The following SECISBP2L variants were observed in gnomAD, a reference collection of about 807,000 sequenced individuals.
The protein encoded by SECISBP2L is SECIS binding protein 2 like.
SECISBP2L carries 43 observed loss-of-function variants against 114.7 expected under a neutral mutation model. That is an observed-to-expected ratio of 0.38 (90% confidence interval 0.29 to 0.48). The LOEUF (loss-of-function observed/expected upper bound fraction) is 0.48. Among genes scored for constraint, SECISBP2L ranks in the 20% least tolerant of loss-of-function variants. The pLI is 0.98. For synonymous variants in SECISBP2L, 451 were observed against 439.7 expected (o/e 1.03, Z -0.32); for missense variants, 1,136 against 1,301.1 (o/e 0.87, Z 1.95).
Position 49,009,580 on chromosome 15 carries a change from A to T in SECISBP2L, c.1865-202T>A, listed in dbSNP as rs1443047796. Among the ~76,000 whole-genome samples the T allele has an allele frequency of 2.0e-5, 3 of 152,296 alleles. No individual in the cohort carries two copies. In the East Asian group the frequency reaches 5.8e-4, roughly 29 times the overall value. ...AATTAAATTCTCCTATTGTCTGTTG[A>T]AGTATATTCTTAGCCAGGTGAGGTG... On this transcript the variant is annotated intron_variant, in intron 13 of 17. Coordinates refer to ENST00000559471, the MANE Select transcript of SECISBP2L (RefSeq NM_001193489.2).
chr15:49,000,746 T>G (rs1595782437), intron 15 of SECISBP2L, 131 bp downstream of exon 15: 1 of 693,448 alleles, frequency 1.4e-6, no homozygotes, highest in Non-Finnish European at 2.3e-6. Context: ...AAGACTGCAT[T>G]TTCTTTTCTC....
intron 4 of SECISBP2L, among the ~76,000 whole-genome samples, chr15:49,032,295 C>T (rs1315508519): frequency 6.6e-6 from 1 of 152,116 alleles, no homozygotes; most frequent in South Asian, 2.1e-4. Flanking sequence ...AGGAGATAAA[C>T]ATCTACTCTA....
At chr15:49,012,908 C>T (rs1376822235) in intron 11 of SECISBP2L, 91 bp from the exon 12 acceptor site, 2 of 1,309,792 alleles carry the variant, frequency 1.5e-6, no homozygotes, top group African/African-American at 3.0e-5. Context: ...AGAACATCCT[C>T]CTCCCATGGA....
chr15:49,019,828 G>C (rs568559686), intron 7 of SECISBP2L, among the ~76,000 whole-genome samples: 4 of 152,286 alleles, frequency 2.6e-5, no homozygotes, highest in African/African-American at 7.2e-5. Context: ...AAACAAACCA[G>C]ATGTTCTACA....
rs1901975815 is a variant in SECISBP2L at position 48,991,435 on chromosome 15, C to T, written c.*809G>A. 1 of 152,636 alleles carries T rather than the reference C, an allele frequency of 6.6e-6. No homozygotes were observed. Among genetic ancestry groups the T allele is most frequent in the Admixed American group, 6.5e-5 (1 of 15,286 alleles). 9.5% of individuals were successfully genotyped at this position (152,636 alleles called of 1,614,324 possible). ...TTTACATGTAAGTGCAGCAGTCATACAATCGGTTACAGTTATTCACCTGTC... is the reference window on the plus strand; with the variant it reads ...TTTACATGTAAGTGCAGCAGTCATATAATCGGTTACAGTTATTCACCTGTC... On this transcript the variant is annotated 3_prime_UTR_variant, in exon 18 of 18. Coordinates refer to ENST00000559471, the MANE Select transcript of SECISBP2L (RefSeq NM_001193489.2).
At position 48,988,664 on chromosome 15, in the gene SECISBP2L, T is replaced by C. The variant is rs898774639; in HGVS notation, c.*3580A>G. 8 of 455,740 alleles carry C rather than the reference T, an allele frequency of 1.8e-5. No homozygotes were observed. The highest frequency in any genetic ancestry group is 1.4e-4 in the Admixed American group (6 of 42,460). The allele number at this position is 455,740 out of a possible 1,614,324, so 28.2% of individuals were successfully genotyped here. A position where few individuals can be genotyped will look rare whatever the true frequency, so the allele number is the denominator to read the frequency against. On this transcript the variant is annotated 3_prime_UTR_variant, in exon 18 of 18. Coordinates refer to ENST00000559471, the MANE Select transcript of SECISBP2L (RefSeq NM_001193489.2). ...TTCATTTCAATAATCATTTTATTAG[T>C]ACAGAAGAATCCCCACTAGTATTTA...
At chr15:49,019,616 T>C (rs1041535742) in intron 7 of SECISBP2L, 64 bp from the exon 8 acceptor site, 1 of 1,267,230 alleles carries the variant, frequency 7.9e-7, no homozygotes, top group Admixed American at 3.9e-5. Context: ...CACTCAAATA[T>C]ATAACATACT....
intron 9 of SECISBP2L, among the ~76,000 whole-genome samples, chr15:49,017,297 G>A (rs1307983601): frequency 6.6e-6 from 1 of 152,164 alleles, no homozygotes; most frequent in Non-Finnish European, 1.5e-5. Context: ...GAAAATTTCA[G>A]TACAGACTGT....
At chr15:48,998,717 T>C (rs1470556693) in intron 16 of SECISBP2L, among the ~76,000 whole-genome samples, 4 of 152,112 alleles carry the variant, frequency 2.6e-5, no homozygotes, top group Non-Finnish European at 5.9e-5. Flanking sequence ...CTACCATTCA[T>C]TGTGAATAGA....
chr15:49,023,112 A>G (rs751931820), intron 7 of SECISBP2L, among the ~76,000 whole-genome samples: 11 of 152,162 alleles, frequency 7.2e-5, no homozygotes, highest in Non-Finnish European at 7.3e-5. Flanking sequence ...GGCAATAATC[A>G]TGATAATAAT....
At chr15:49,024,663 A>G (rs958404672) in intron 7 of SECISBP2L, among the ~76,000 whole-genome samples, 1 of 152,170 alleles carries the variant, frequency 6.6e-6, no homozygotes, top group African/African-American at 2.4e-5. Flanking sequence ...TATAAAAAGT[A>G]GCAGAACATA....
At chr15:49,010,563 T>G (rs1902417781) in intron 13 of SECISBP2L, among the ~76,000 whole-genome samples, 1 of 152,076 alleles carries the variant, frequency 6.6e-6, no homozygotes, top group South Asian at 2.1e-4. Flanking sequence ...CGGGCTGGAG[T>G]GCAGTGGCAT....
Position 49,001,042 on chromosome 15 carries a change from G to C in SECISBP2L, c.2083C>G (p.Gln695Glu). The C allele has an allele frequency of 6.2e-7, 1 of 1,613,592 alleles. No homozygotes were observed. The highest frequency in any genetic ancestry group is 8.5e-7 in the Non-Finnish European group (1 of 1,179,828). The change falls in exon 15 of 18, where the codon CAA (glutamine) becomes GAA (glutamate). Residue 695 changes from glutamine (Q) to glutamate (E), a missense_variant. Gln to Glu is a conservative substitution (Grantham distance 29). Transcript: ENST00000559471. Reference sequence around the variant, plus strand: ...CGTTCCTGGAAACTGACAAGCTCTTGGAGAAGAAGAGTCACACATTCATCA... The same window carrying C: ...CGTTCCTGGAAACTGACAAGCTCTTCGAGAAGAAGAGTCACACATTCATCA... ...EIDECVTLLL[Q>E]ELVSFQERIY...
chr15:49,035,345 C>A lies in SECISBP2L; in HGVS notation c.517G>T (p.Val173Leu). Residue 173 changes from valine to leucine, a missense_variant, in exon 3 of 18, where the codon GTG becomes TTG. By Grantham distance (32) the Val-to-Leu change is conservative. Coordinates refer to ENST00000559471, the MANE Select transcript of SECISBP2L (RefSeq NM_001193489.2). The stretch of plus-strand genomic sequence containing the variant: ...GACCAGACACTTACTTTTGGGACCA[C>A]TGATCCTCTGTTACTGTTTCTGCTT... ...HRSRNSNRGS[V>L]VPKQQLLQQH... 1 of 1,613,414 alleles carries A rather than the reference C, an allele frequency of 6.2e-7. No homozygotes were observed. Among genetic ancestry groups the A allele is most frequent in the South Asian group, 1.1e-5 (1 of 91,054 alleles).
intron 14 of SECISBP2L, among the ~76,000 whole-genome samples, chr15:49,005,824 G>T (rs1902311294): frequency 6.6e-6 from 1 of 151,958 alleles, no homozygotes; most frequent in African/African-American, 2.4e-5. Flanking sequence ...TTGCCCCTCA[G>T]TTGATGCAGT....
At chr15:49,045,701 A>G (rs1257223121) in intron 1 of SECISBP2L, among the ~76,000 whole-genome samples, 2 of 152,164 alleles carry the variant, frequency 1.3e-5, no homozygotes, top group African/African-American at 4.8e-5. Flanking sequence ...AAAAAAACCC[A>G]CTAATTACAA....
rs994649038 is a variant in SECISBP2L, at chr15:48,988,927, T to A, written c.*3317A>T. On this transcript the variant is annotated 3_prime_UTR_variant, in exon 18 of 18. Coordinates refer to ENST00000559471, the MANE Select transcript of SECISBP2L (RefSeq NM_001193489.2). ...GCCAACAAAATTTAAATTTTTCTCATTAGGATTCAGATTTCAGATTAGGCA... is the reference window on the plus strand; with the variant it reads ...GCCAACAAAATTTAAATTTTTCTCAATAGGATTCAGATTTCAGATTAGGCA... 2 of 170,852 alleles carry A rather than the reference T, an allele frequency of 1.2e-5. No homozygotes were observed. The highest frequency in any genetic ancestry group is 3.2e-4 in the East Asian group (2 of 6,228). 10.6% of individuals were successfully genotyped at this position (170,852 alleles called of 1,614,324 possible).
chr15:49,005,951 G>A (rs1902315442), intron 14 of SECISBP2L, among the ~76,000 whole-genome samples: 1 of 152,076 alleles, frequency 6.6e-6, no homozygotes, highest in Non-Finnish European at 1.5e-5. Flanking sequence ...AGGCATGGTG[G>A]TGACAAAATC....
intron 14 of SECISBP2L, among the ~76,000 whole-genome samples, chr15:49,007,946 A>G (rs1461040232): frequency 6.6e-6 from 1 of 152,248 alleles, no homozygotes; most frequent in Admixed American, 6.5e-5. Context: ...CATCAGACAA[A>G]GCAAATGAGT....
Sources: allele counts gnomAD v4.1 joint callset (sites outside exome capture counted in the v4.1 genomes callset), GRCh38; gene constraint gnomAD v4.1.1; transcripts MANE v1.5; gene names NCBI Gene and HGNC (gene_info 2026-07-23, HGNC 2026-07-21).